ADGRL1: variants seen among roughly 807,000 people sequenced by gnomAD.
ADGRL1 encodes the protein CIRL-1.
Under a neutral mutation model 148.9 loss-of-function variants are expected in ADGRL1, and 31 were observed. The ratio of observed to expected loss-of-function variants is 0.21; its 90% CI spans 0.16 to 0.28. ADGRL1 has a LOEUF of 0.28. ADGRL1 is among the 10% of genes least tolerant of loss of function. ADGRL1 has a pLI of 1.00. For synonymous variants in ADGRL1, 937 were observed against 900.3 expected (o/e 1.04, Z -0.73); for missense variants, 1,521 against 2,058.8 (o/e 0.74, Z 5.05).
intron 2 of ADGRL1, among the ~76,000 whole-genome samples, chr19:14,182,243 T>G (rs1431467121): frequency 6.6e-6 from 1 of 152,172 alleles, no homozygotes; most frequent in Non-Finnish European, 1.5e-5. Flanking sequence ...ATGCTAATTA[T>G]TGTTATTATG....
intron 1 of ADGRL1, among the ~76,000 whole-genome samples, chr19:14,185,574 G>C (rs564405025): frequency 6.6e-6 from 1 of 152,122 alleles, no homozygotes; most frequent in Non-Finnish European, 1.5e-5. Context: ...GATTACAGGC[G>C]TGAGCCACTG....
intron 1 of ADGRL1, among the ~76,000 whole-genome samples, chr19:14,184,975 G>T (rs60735680): frequency 0.02 from 2,973 of 152,214 alleles, 88 homozygotes; most frequent in African/African-American, 0.067. Context: ...CAGAGAGGAG[G>T]TCTTGCTATG....
intron 1 of ADGRL1, among the ~76,000 whole-genome samples, chr19:14,195,379 G>A (rs1396586572): frequency 6.6e-6 from 1 of 151,860 alleles, no homozygotes; most frequent in East Asian, 1.9e-4. Context: ...GGCTGCTGGG[G>A]GAGAGGGGGC....
At chr19:14,183,486 G>C in intron 2 of ADGRL1, 47 bp downstream of exon 2, 1 of 1,510,586 alleles carries the variant, frequency 6.6e-7, no homozygotes, top group Non-Finnish European at 9.0e-7. Flanking sequence ...GCCCCCCCCA[G>C]AAGGGTTTGG....
rs3837937 is a variant in ADGRL1 at position 14,183,193 on chromosome 19, C to CAGAGAGAGAGAGAGAGAGAG, written c.70+320_70+339dup. On this transcript the variant is annotated intron_variant, in intron 2 of 22. Coordinates refer to ENST00000361434, the MANE Select transcript of ADGRL1 (RefSeq NM_014921.5). ...AGTGAGAGCCTCGAAGATGTAATCA[C>CAGAGAGAGAGAGAGAGAGAG]AGAGAGAGAGAGAGAGAGAGAGAGC... 2.9e-3 allele frequency among the ~76,000 whole-genome samples: 419 copies of CAGAGAGAGAGAGAGAGAGAG among 145,358 alleles called. 7 individuals carry two copies. The highest frequency in any genetic ancestry group is 3.8e-3 in the Admixed American group (56 of 14,662).
chr19:14,205,369 C>T (rs1972920130), intron 1 of ADGRL1, among the ~76,000 whole-genome samples: 1 of 151,896 alleles, frequency 6.6e-6, no homozygotes, highest in African/African-American at 2.4e-5. Flanking sequence ...ACCCCCTCCT[C>T]CTGACAGCGG....
chr19:14,205,532 G>A (rs1462292149), intron 1 of ADGRL1, among the ~76,000 whole-genome samples: 1 of 151,216 alleles, frequency 6.6e-6, no homozygotes, highest in African/African-American at 2.4e-5. Context: ...GGCGCGCGGC[G>A]CGCACACGCA....
chr19:14,158,620 G>A (rs1969015276), intron 11 of ADGRL1, 68 bp from the exon 12 acceptor site: 3 of 1,324,978 alleles, frequency 2.3e-6, no homozygotes, highest in Non-Finnish European at 3.2e-6. Context: ...CAGGCCCCTG[G>A]CTTCCCAGCT....
At chr19:14,182,870 CAG>C (rs1357818920) in intron 2 of ADGRL1, among the ~76,000 whole-genome samples, 4 of 152,210 alleles carry the variant, frequency 2.6e-5, no homozygotes, top group South Asian at 2.1e-4. Context: ...CCAGAGGGAG[CAG>C]AGTCACCCGC....
Position 14,151,378 on chromosome 19 carries a change from T to A in ADGRL1, c.3905A>T (p.Glu1302Val). The A allele has an allele frequency of 6.2e-7, 1 of 1,602,962 alleles. No homozygotes were observed. Among genetic ancestry groups the A allele is most frequent in the Non-Finnish European group, 8.5e-7 (1 of 1,175,670 alleles). ...CCCTGGCACAGGTGGCACAGGGGGC[T>A]CAGGCGGTGGAGGGCCCTTGGCCGC... ...SSAAKGPPPP[E>V]PPVPPVPGGG... The change falls in exon 23 of 23, where the codon GAG becomes GTG. Residue 1302 changes from glutamate (E) to valine (V), a missense_variant. By Grantham distance (121) the Glu-to-Val change is moderately radical (BLOSUM62 -2). This residue lies in a region of ADGRL1 where 390 missense variants were observed against 375.0 expected (regional missense o/e 1.04). Coordinates refer to ENST00000361434, the MANE Select transcript of ADGRL1 (RefSeq NM_014921.5).
chr19:14,204,670 G>A (rs1425366670), intron 1 of ADGRL1, among the ~76,000 whole-genome samples: 2 of 151,422 alleles, frequency 1.3e-5, no homozygotes, highest in African/African-American at 2.4e-5. Context: ...AGCAGAGAGG[G>A]GAAGAGAGAA....
chr19:14,158,177 C>T, intron 12 of ADGRL1, 125 bp from the exon 13 acceptor site: 1 of 1,244,730 alleles, frequency 8.0e-7, no homozygotes, highest in East Asian at 2.3e-5. Flanking sequence ...TCTGGGGCTC[C>T]AGTTGACATT....
chr19:14,190,344 G>A (rs368148224), intron 1 of ADGRL1, among the ~76,000 whole-genome samples: 26 of 152,334 alleles, frequency 1.7e-4, no homozygotes, highest in Middle Eastern at 3.4e-3. Flanking sequence ...AAAGCTCACT[G>A]TAGCCTCGAA....
intron 2 of ADGRL1, among the ~76,000 whole-genome samples, 181 bp from the exon 3 acceptor site, chr19:14,177,925 T>C (rs1970935850): frequency 1.3e-5 from 2 of 152,166 alleles, no homozygotes; most frequent in African/African-American, 4.8e-5. Context: ...AGTGAGGACA[T>C]TAACCTGGCC....
Position 14,158,569 on chromosome 19 carries a change from C to A in ADGRL1, c.2150-17G>T, listed in dbSNP as rs756844613. 6 of 1,599,578 alleles carry A rather than the reference C, an allele frequency of 3.8e-6. No homozygotes were observed. Among genetic ancestry groups the A allele is most frequent in the African/African-American group, 2.7e-5 (2 of 74,566 alleles). Reference sequence around the variant, plus strand: ...TGACCACCCCTGGTGAGAACAGGCACGTTTGGATGTGTCAGCATCCTCAGC... The same window carrying A: ...TGACCACCCCTGGTGAGAACAGGCAAGTTTGGATGTGTCAGCATCCTCAGC... On this transcript the variant is annotated splice_polypyrimidine_tract_variant and intron_variant, in intron 11 of 22. Transcript: ENST00000361434.
At position 14,183,173 on chromosome 19, in the gene ADGRL1, G is replaced by A. The variant is rs540823719; in HGVS notation, c.70+360C>T. Among the ~76,000 whole-genome samples the A allele has an allele frequency of 6.8e-5, 10 of 147,936 alleles. 1 individual carries two copies. Among genetic ancestry groups the A allele is most frequent in the African/African-American group, 2.5e-4 (10 of 40,432 alleles). On this transcript the variant is annotated intron_variant, in intron 2 of 22. Transcript: ENST00000361434. ...TTTAATTAAGCCTTCTTCCCAGTGA[G>A]AGCCTCGAAGATGTAATCACAGAGA...
chr19:14,191,800 A>T (rs1971960343), intron 1 of ADGRL1, among the ~76,000 whole-genome samples: 1 of 149,938 alleles, frequency 6.7e-6, no homozygotes, highest in South Asian at 2.1e-4. Context: ...GGCTCATGGG[A>T]TCCTCCCGCC....
At chr19:14,190,981 G>C (rs1467406631) in intron 1 of ADGRL1, 8 of 415,286 alleles carry the variant, frequency 1.9e-5, no homozygotes, top group Middle Eastern at 5.6e-4. Context: ...TCAGCTACTC[G>C]GGAGGCTGAG....
intron 3 of ADGRL1, among the ~76,000 whole-genome samples, chr19:14,175,731 C>A (rs1018413065): frequency 2.6e-5 from 4 of 152,068 alleles, no homozygotes; most frequent in African/African-American, 9.7e-5. Context: ...GTCACACACT[C>A]AAAAATGCAC....
Sources: gnomAD v4.1 joint callset for allele counts (sites outside exome capture counted in the v4.1 genomes callset) on GRCh38, gnomAD v4.1.1 for gene constraint, gnomAD v4.1.1 regional missense constraint, MANE v1.5 for transcripts, NCBI Gene and HGNC (gene_info 2026-07-23, HGNC 2026-07-21) for gene names.